Variants in ZNF143 observed in about 807,000 individuals in gnomAD.
ZNF143 encodes SPH-binding factor.
ZNF143 carries 49 observed loss-of-function variants against 74.1 expected under a neutral mutation model. That is an observed-to-expected ratio of 0.66 (90% CI 0.53 to 0.84). The LOEUF is 0.84. Ranked by LOEUF, ZNF143 falls within the 40% of genes least tolerant of loss-of-function variation. The probability of loss-of-function intolerance (pLI) is 0.00; values close to 1 mark genes in which losing one functional copy is unlikely to be tolerated. For synonymous variants in ZNF143, 304 were observed against 282.8 expected, an observed-to-expected ratio of 1.07 and a Z score of -0.75; for missense variants, 637 against 793.4, an observed-to-expected ratio of 0.80 and a Z score of 2.37.
chr11:9,509,093 T>C (rs1848456592), intron 12 of ZNF143, among the ~76,000 whole-genome samples: 1 of 152,080 alleles, frequency 6.6e-6, no homozygotes, highest in African/African-American at 2.4e-5. Context: ...GAATAGGGGT[T>C]AACTGGGTGA....
intron 5 of ZNF143, 60 bp downstream of exon 5, chr11:9,474,693 A>T (rs1016943130): frequency 6.8e-7 from 1 of 1,467,910 alleles, no homozygotes; most frequent in African/African-American, 1.4e-5. Flanking sequence ...TGGGGGAAAG[A>T]AGACCTGTGT....
intron 11 of ZNF143, among the ~76,000 whole-genome samples, chr11:9,501,925 CTTTTTTT>C (rs57169874): frequency 8.0e-5 from 3 of 37,440 alleles, no homozygotes; most frequent in South Asian, 1.3e-3. Context: ...TGGATATATT[CTTTTTTT>C]TTTTTTTTTT....
chr11:9,471,448 T>C lies in ZNF143; in HGVS notation c.112+28T>C, dbSNP rs140375776. The C allele has an allele frequency of 5.0e-4, 732 of 1,475,908 alleles. 7 individuals carry two copies. In the East Asian group the frequency reaches 0.016, roughly 33 times the overall value. 91.4% of individuals were successfully genotyped at this position (1,475,908 alleles called of 1,614,324 possible). ...GAGCAGTTGTGTTTGAAGGGATGCG[T>C]TTGAAAATATCATTTATCTTAAAAG... On this transcript the variant is annotated intron_variant, in intron 2 of 15. Transcript: ENST00000396602.
chr11:9,481,542 G>T (rs959638125), intron 7 of ZNF143, among the ~76,000 whole-genome samples: 1 of 152,122 alleles, frequency 6.6e-6, no homozygotes, highest in Non-Finnish European at 1.5e-5. Flanking sequence ...TAAGTTCTCT[G>T]TCTTATTGGT....
chr11:9,502,888 T>C (rs1848218382), intron 11 of ZNF143, among the ~76,000 whole-genome samples: 1 of 152,110 alleles, frequency 6.6e-6, no homozygotes, highest in Non-Finnish European at 1.5e-5. Context: ...TGGAGTGCAG[T>C]GGCGCAATCT....
Position 9,525,507 on chromosome 11 carries a change from C to T in ZNF143, c.1833+121C>T. ...CAAGGTGTAGAATAATCTCTATCACCTAGCCTACTTTAAGGAAATCGGTGT... is the reference window on the plus strand; with the variant it reads ...CAAGGTGTAGAATAATCTCTATCACTTAGCCTACTTTAAGGAAATCGGTGT... On this transcript the variant is annotated intron_variant, in intron 15 of 15. Transcript: ENST00000396602. 2 of 1,312,750 alleles carry T rather than the reference C, an allele frequency of 1.5e-6. 1 individual carries two copies. Among genetic ancestry groups the T allele is most frequent in the African/African-American group, 2.9e-5 (2 of 68,968 alleles). The allele number at this position is 1,312,750 out of a possible 1,614,324, so 81.3% of individuals were successfully genotyped here.
chr11:9,499,740 A>G (rs1249143567), intron 10 of ZNF143, among the ~76,000 whole-genome samples: 1 of 152,178 alleles, frequency 6.6e-6, no homozygotes, highest in Non-Finnish European at 1.5e-5. Flanking sequence ...AACTTACTAT[A>G]TATAGATAAA....
At position 9,479,479 on chromosome 11, in the gene ZNF143, T is replaced by C. The variant is rs137963732; in HGVS notation, c.578T>C (p.Ile193Thr). 1.8e-4 allele frequency: 287 copies of C among 1,612,602 alleles called. 1 individual carries two copies. The highest frequency in any genetic ancestry group is 2.3e-4 in the Non-Finnish European group (268 of 1,179,336). ...TTTATTTTATTCCTATAGGTGTCCA[T>C]TGATGGAAGTGAAAGTGTAGCAGGT... ...ALEQYAAKVS[I>T]DGSESVAGTG... The change falls in exon 7 of 16, where the codon ATT becomes ACT. Residue 193 changes from isoleucine (I) to threonine (T), a missense_variant. This residue lies in a region of ZNF143 where 293 missense variants were observed against 307.8 expected (regional missense o/e 0.95). Coordinates refer to ENST00000396602, the MANE Select transcript of ZNF143 (RefSeq NM_003442.6).
In ZNF143 at chr11:9,508,658, A is replaced by G. The variant is rs370205734; in HGVS notation, c.1187A>G (p.Lys396Arg). The change falls in exon 12 of 16, where the codon AAA (lysine) becomes AGA (arginine). Residue 396 changes from lysine to arginine, a missense_variant. This residue lies in a region of ZNF143 where 344 missense variants were observed against 485.6 expected (regional missense o/e 0.71). Coordinates refer to ENST00000396602, the MANE Select transcript of ZNF143 (RefSeq NM_003442.6). ...PYVCTVPGCD[K>R]RFTEYSSLYK... ...GTTTGTACAGTTCCTGGGTGTGACA[A>G]AAGGTTTACAGAATATTCCAGTTTG... The G allele has an allele frequency of 5.6e-5, 91 of 1,613,622 alleles. No homozygotes were observed. Among genetic ancestry groups the G allele is most frequent in the Non-Finnish European group, 3.8e-5 (45 of 1,180,032 alleles).
chr11:9,480,360 A>G lies in ZNF143; in HGVS notation c.645+814A>G, dbSNP rs77486584. Among the ~76,000 whole-genome samples, 9 of 151,856 alleles carry G rather than the reference A, an allele frequency of 5.9e-5. No homozygotes were observed. The East Asian group carries it at 1.2e-3, about 20-fold the overall frequency. The stretch of plus-strand genomic sequence containing the variant: ...AATGCTGCTCTTTATTTTCTCAGCA[A>G]TTTTCTCTAATATTTTGTTGACTGT... On this transcript the variant is annotated intron_variant, in intron 7 of 15. Coordinates refer to ENST00000396602, the MANE Select transcript of ZNF143 (RefSeq NM_003442.6).
intron 1 of ZNF143, among the ~76,000 whole-genome samples, chr11:9,469,080 T>C (rs1856413987): frequency 6.6e-6 from 1 of 150,786 alleles, no homozygotes. Context: ...GTTGCAGTGA[T>C]CTGAGATCAC....
intron 12 of ZNF143, 40 bp from the exon 13 acceptor site, chr11:9,512,408 G>C (rs1287274799): frequency 1.3e-6 from 2 of 1,588,112 alleles, no homozygotes; most frequent in African/African-American, 2.7e-5. Flanking sequence ...TAAACAAATT[G>C]GTTGGTTGGT....
rs369556994 is a variant in ZNF143, at chr11:9,523,962, C to A, written c.1687-1278C>A. ...ACTCGGGAGGCTGAGGCAGAAGAAT[C>A]GCTTGAACCTGGGAGGCAGAGTTTG... On this transcript the variant is annotated intron_variant, in intron 14 of 15. Coordinates refer to ENST00000396602, the MANE Select transcript of ZNF143 (RefSeq NM_003442.6). Among the ~76,000 whole-genome samples the A allele has an allele frequency of 8.4e-4, 125 of 148,906 alleles. 2 individuals are homozygous for A. In the South Asian group the frequency reaches 0.025, roughly 30 times the overall value.
chr11:9,484,738 C>T (rs1847392499), intron 7 of ZNF143, among the ~76,000 whole-genome samples: 2 of 149,964 alleles, frequency 1.3e-5, no homozygotes, highest in Admixed American at 1.3e-4. Context: ...TCCAGTGATC[C>T]ACCCACCTCA....
intron 11 of ZNF143, among the ~76,000 whole-genome samples, chr11:9,506,852 G>A (rs1042087000): frequency 1.3e-5 from 2 of 151,968 alleles, no homozygotes; most frequent in Non-Finnish European, 2.9e-5. Context: ...AGATGACCCA[G>A]GTGAAGCTAT....
intron 2 of ZNF143, 23 bp downstream of exon 2, chr11:9,471,443 A>T (rs1172609087): frequency 1.3e-6 from 2 of 1,509,258 alleles, no homozygotes; most frequent in Admixed American, 2.2e-5. Flanking sequence ...GTTTGAAGGG[A>T]TGCGTTTGAA....
intron 5 of ZNF143, among the ~76,000 whole-genome samples, chr11:9,474,916 TCTCA>T (rs1856788406): frequency 6.6e-6 from 1 of 152,198 alleles, no homozygotes; most frequent in African/African-American, 2.4e-5. Context: ...AGAGACAGGG[TCTCA>T]CTCTGTTGCC....
chr11:9,496,450 C>A, intron 9 of ZNF143, 72 bp downstream of exon 9: 1 of 1,291,608 alleles, frequency 7.7e-7, no homozygotes, highest in Non-Finnish European at 1.1e-6. Flanking sequence ...GTGGAAGGAA[C>A]TGACCCCTTG....
intron 7 of ZNF143, among the ~76,000 whole-genome samples, chr11:9,483,030 C>G (rs555719963): frequency 8.0e-5 from 12 of 150,824 alleles, no homozygotes; most frequent in Non-Finnish European, 1.6e-4. Flanking sequence ...GTCTTACTCT[C>G]TTGCCCAGGG....
Sources: allele counts gnomAD v4.1 joint callset (sites outside exome capture counted in the v4.1 genomes callset), GRCh38; gene constraint gnomAD v4.1.1; regional missense constraint gnomAD v4.1.1; transcripts MANE v1.5; gene names NCBI Gene and HGNC (gene_info 2026-07-23, HGNC 2026-07-21).